Variants in LRRIQ3 observed in about 807,000 individuals in gnomAD.
The protein encoded by LRRIQ3 is leucine-rich repeat and IQ domain-containing protein 3.
Under a neutral mutation model 59.3 loss-of-function variants are expected in LRRIQ3, and 75 were observed. The ratio of observed to expected loss-of-function variants is 1.26; its 90% CI spans 1.05 to 1.53. LRRIQ3 has a LOEUF of 1.53. LRRIQ3 is among the 40% of genes most tolerant of loss of function. The pLI, the probability that LRRIQ3 is intolerant of heterozygous loss-of-function variation, is 0.00. For missense variants in LRRIQ3, 831 were observed against 710.0 expected (o/e 1.17, Z -1.94); for synonymous variants, 250 against 231.3 (o/e 1.08, Z -0.73).
chr1:74,063,679 A>G (rs1654791989), intron 6 of LRRIQ3, among the ~76,000 whole-genome samples: 1 of 151,672 alleles, frequency 6.6e-6, no homozygotes, highest in Non-Finnish European at 1.5e-5. Context: ...TTTCATTTTA[A>G]TTTTTTTGAC....
intron 4 of LRRIQ3, among the ~76,000 whole-genome samples, chr1:74,151,868 G>A (rs1231338394): frequency 1.3e-5 from 2 of 152,162 alleles, no homozygotes; most frequent in Non-Finnish European, 2.9e-5. Flanking sequence ...CCACGATACT[G>A]TGGATGCTAC....
Position 74,041,501 on chromosome 1 carries a change from T to A in LRRIQ3, c.1430A>T (p.Glu477Val), listed in dbSNP as rs571244331. 18 of 1,611,642 alleles carry A rather than the reference T, an allele frequency of 1.1e-5. No individual in the cohort carries two copies. The East Asian group carries it at 1.3e-4, about 12-fold the overall frequency. Residue 477 changes from glutamate to valine, a missense_variant, in exon 7 of 8, where the codon GAG becomes GTG. Coordinates refer to ENST00000354431, the MANE Select transcript of LRRIQ3 (RefSeq NM_001105659.2). ...TTGTCGTAAACTGTTCTGAATTGTC[T>A]CTTTATTTTCTTCAATTAGTTTTTG... ...ATQKLIEENK[E>V]TIQNSLRQVW...
rs756769404 is a variant in LRRIQ3, at chr1:74,041,307, C to T, written c.1624G>A (p.Glu542Lys). 2 of 1,613,554 alleles carry T rather than the reference C, an allele frequency of 1.2e-6. No homozygotes were observed. The highest frequency in any genetic ancestry group is 1.3e-5 in the African/African-American group (1 of 74,890). Residue 542 changes from glutamate to lysine, a missense_variant, in exon 7 of 8, where the codon GAG becomes AAG. Physicochemically the swap from Glu to Lys is moderately conservative, Grantham distance 56. Transcript: ENST00000354431. ...LLKIDRLEKNEAVLKEKSLIV... is the reference protein window; with the variant it reads ...LLKIDRLEKNKAVLKEKSLIV... ...AGGCTTTTCTCTTTTAGGACAGCCT[C>T]ATTCTTCTCCAGTCTGTCAATTTTA...
intron 3 of LRRIQ3, among the ~76,000 whole-genome samples, chr1:74,157,279 T>G (rs891920903): frequency 6.6e-6 from 1 of 152,064 alleles, no homozygotes; most frequent in Non-Finnish European, 1.5e-5. Flanking sequence ...TCTCTGTAAA[T>G]TTAACTATAT....
At chr1:74,032,274 A>T (rs1653741547) in intron 7 of LRRIQ3, among the ~76,000 whole-genome samples, 1 of 152,114 alleles carries the variant, frequency 6.6e-6, no homozygotes, top group Non-Finnish European at 1.5e-5. Context: ...AACAGAACAA[A>T]GTTGGAATCT....
chr1:74,196,595 C>T (rs1651155092), intron 1 of LRRIQ3, among the ~76,000 whole-genome samples: 1 of 152,152 alleles, frequency 6.6e-6, no homozygotes, highest in African/African-American at 2.4e-5. Context: ...GACCCTATTA[C>T]CCCAAAAACC....
At chr1:74,138,943 G>C (rs1570189233) in intron 4 of LRRIQ3, among the ~76,000 whole-genome samples, 1 of 151,560 alleles carries the variant, frequency 6.6e-6, no homozygotes, top group East Asian at 2.0e-4. Flanking sequence ...ATGTCACTTT[G>C]GGAGGCCAAC....
At chr1:74,076,462 C>T (rs1042933179) in intron 5 of LRRIQ3, among the ~76,000 whole-genome samples, 3 of 151,974 alleles carry the variant, frequency 2.0e-5, no homozygotes, top group African/African-American at 7.3e-5. Flanking sequence ...GTTCTTAGTC[C>T]TAGTTTCAGT....
intron 5 of LRRIQ3, among the ~76,000 whole-genome samples, chr1:74,094,044 C>A (rs970056888): frequency 1.3e-5 from 2 of 152,112 alleles, no homozygotes; most frequent in Admixed American, 1.3e-4. Flanking sequence ...CTGATGAGGG[C>A]TGTTACTGGC....
At chr1:74,032,941 T>C (rs1653762029) in intron 7 of LRRIQ3, among the ~76,000 whole-genome samples, 1 of 152,008 alleles carries the variant, frequency 6.6e-6, no homozygotes, top group Non-Finnish European at 1.5e-5. Flanking sequence ...GTGGTAAATA[T>C]AAAATATATA....
chr1:74,172,146 T>A (rs1649362514), intron 3 of LRRIQ3, among the ~76,000 whole-genome samples: 1 of 152,092 alleles, frequency 6.6e-6, no homozygotes, highest in South Asian at 2.1e-4. Flanking sequence ...CAATTTTAGG[T>A]TTAGTTTGTT....
chr1:74,094,802 TCTGA>T (rs1263094864), intron 5 of LRRIQ3, among the ~76,000 whole-genome samples: 4 of 152,264 alleles, frequency 2.6e-5, no homozygotes, highest in Admixed American at 1.3e-4. Context: ...TGGAATTTTT[TCTGA>T]CTATTATAGT....
chr1:74,082,479 G>A (rs978540292), intron 5 of LRRIQ3: 2 of 151,470 alleles, frequency 1.3e-5, no homozygotes, highest in Non-Finnish European at 3.0e-5. Context: ...ATTTTCAAGA[G>A]GGAAATTCTT....
At chr1:74,167,287 G>A (rs895255145) in intron 3 of LRRIQ3, among the ~76,000 whole-genome samples, 2 of 151,876 alleles carry the variant, frequency 1.3e-5, no homozygotes, top group Non-Finnish European at 2.9e-5. Context: ...AAAAAGGAAT[G>A]AAATAATGGC....
At chr1:74,068,009 T>C (rs1261387417) in intron 6 of LRRIQ3, among the ~76,000 whole-genome samples, 1 of 152,034 alleles carries the variant, frequency 6.6e-6, no homozygotes, top group African/African-American at 2.4e-5. Flanking sequence ...CAATATTCCG[T>C]CTTCCAGCTT....
chr1:74,095,203 C>T (rs182910382), intron 5 of LRRIQ3: 15 of 152,172 alleles, frequency 9.9e-5, no homozygotes, highest in East Asian at 9.7e-4. Context: ...AAAATAGAGG[C>T]CATGTATGCT....
chr1:74,131,924 A>T (rs1647028004), intron 4 of LRRIQ3, among the ~76,000 whole-genome samples: 1 of 152,154 alleles, frequency 6.6e-6, no homozygotes, highest in Non-Finnish European at 1.5e-5. Flanking sequence ...TTAGGAAAAG[A>T]GGAAGTCAAA....
At chr1:74,056,494 A>G (rs1032925648) in intron 6 of LRRIQ3, among the ~76,000 whole-genome samples, 3 of 152,152 alleles carry the variant, frequency 2.0e-5, no homozygotes, top group African/African-American at 7.2e-5. Context: ...AAAAACTCTT[A>G]GAACTAATAA....
In LRRIQ3 at chr1:74,041,724, T is replaced by G. The variant is rs572916577; in HGVS notation, c.1207A>C (p.Ser403Arg). Residue 403 changes from serine to arginine, a missense_variant, in exon 7 of 8, where the codon AGT becomes CGT. Transcript: ENST00000354431. ...IIKKDIRLER[S>R]MKEFFAPQRA... is the part of the protein sequence containing the mutation. Reference sequence around the variant, plus strand: ...TGTGGTGCAAAAAACTCTTTCATACTCCGCTCCAATCGTATGTCTTTTTTA... The same window carrying G: ...TGTGGTGCAAAAAACTCTTTCATACGCCGCTCCAATCGTATGTCTTTTTTA... 2 of 1,613,598 alleles carry G rather than the reference T, an allele frequency of 1.2e-6. No homozygotes were observed. The highest frequency in any genetic ancestry group is 1.7e-6 in the Non-Finnish European group (2 of 1,179,796).
Sources: allele counts gnomAD v4.1 joint callset (sites outside exome capture counted in the v4.1 genomes callset), GRCh38; gene constraint gnomAD v4.1.1; transcripts MANE v1.5; gene names NCBI Gene and HGNC (gene_info 2026-07-23, HGNC 2026-07-21).